The following KLC1 variants were observed in gnomAD, a reference collection of about 807,000 sequenced individuals.
KLC1 encodes the protein kinesin light chain 1.
A neutral mutation model predicts 84.2 loss-of-function variants in KLC1; 30 were observed. The observed-to-expected ratio is 0.36, with a 90% confidence interval of 0.27 to 0.48. The LOEUF is 0.48. Among genes scored for constraint, KLC1 ranks in the 20% least tolerant of loss-of-function variants. KLC1 has a pLI of 0.99. For missense variants in KLC1, 499 were observed against 805.4 expected, an observed-to-expected ratio of 0.62 and a Z score of 4.60; for synonymous variants, 289 against 293.3, an observed-to-expected ratio of 0.99 and a Z score of 0.15.
rs2082855896 is a variant in KLC1, at chr14:103,699,095, CCTGCA to C, written c.1849-1558_1849-1554del. On this transcript the variant is annotated intron_variant, in intron 15 of 16. Coordinates refer to ENST00000334553, the MANE Select transcript of KLC1 (RefSeq NM_001394837.1). ...CTTCGGCCCAGCTGTGCCCCTGGCA[CCTGCA>C]CAGAGGTGCACACACCACATGGCTG... The C allele has an allele frequency of 1.9e-6, 3 of 1,567,102 alleles. 1 individual carries two copies. In the Middle Eastern group the frequency reaches 5.0e-4, roughly 261 times the overall value.
Position 103,693,705 on chromosome 14 carries a change from G to C in KLC1, c.1848+1280G>C. ...CTCACCGCCCTGCCCGGAGGCGCCAGCCGCACTCCTTGGCTTCCTTTCCTA... is the reference window on the plus strand; with the variant it reads ...CTCACCGCCCTGCCCGGAGGCGCCACCCGCACTCCTTGGCTTCCTTTCCTA... On this transcript the variant is annotated intron_variant, in intron 15 of 16. Coordinates refer to ENST00000334553, the MANE Select transcript of KLC1 (RefSeq NM_001394837.1). The surrounding 1 kb of genome is among the most constrained non-coding windows in gnomAD (Gnocchi z 5.1). The C allele has an allele frequency of 6.7e-7, 1 of 1,499,080 alleles. No individual in the cohort carries two copies. Among genetic ancestry groups the C allele is most frequent in the East Asian group, 2.5e-5 (1 of 39,956 alleles). 92.9% of individuals were successfully genotyped at this position (1,499,080 alleles called of 1,614,324 possible). A position where few individuals can be genotyped will look rare whatever the true frequency, so the allele number is the denominator to read the frequency against.
At chr14:103,661,067 G>C (rs1826004105) in intron 3 of KLC1, among the ~76,000 whole-genome samples, 1 of 152,152 alleles carries the variant, frequency 6.6e-6, no homozygotes, top group African/African-American at 2.4e-5. Flanking sequence ...TCTGAAACCT[G>C]TTCACATAGT....
chr14:103,643,998 G>A (rs971368216), intron 1 of KLC1, among the ~76,000 whole-genome samples: 7 of 151,912 alleles, frequency 4.6e-5, no homozygotes, highest in East Asian at 2.0e-4. Flanking sequence ...GGCAGATCAC[G>A]AGGTCAGGAG....
chr14:103,699,099 C>T, intron 15 of KLC1: 1 of 1,567,316 alleles, frequency 6.4e-7, no homozygotes, highest in Non-Finnish European at 8.6e-7. Context: ...CTGGCACCTG[C>T]ACAGAGGTGC....
chr14:103,689,111 A>G (rs1391340697), intron 14 of KLC1, among the ~76,000 whole-genome samples: 1 of 152,204 alleles, frequency 6.6e-6, no homozygotes, highest in African/African-American at 2.4e-5. Context: ...AGCAGCTCTC[A>G]GATCCCCTCC....
At chr14:103,685,345 T>C in intron 13 of KLC1, 1 of 1,256,166 alleles carries the variant, frequency 8.0e-7, no homozygotes, top group Non-Finnish European at 1.0e-6. Flanking sequence ...ACACCAAGTG[T>C]CAAGGAGATT....
At chr14:103,644,266 C>CT (rs1368732276) in intron 1 of KLC1, among the ~76,000 whole-genome samples, 59 of 136,152 alleles carry the variant, frequency 4.3e-4, no homozygotes, top group East Asian at 2.5e-3. Flanking sequence ...TTCTACGTGA[C>CT]TTTTTTTTTT....
intron 5 of KLC1, among the ~76,000 whole-genome samples, chr14:103,668,114 A>G (rs963896312): frequency 1.3e-5 from 2 of 152,238 alleles, no homozygotes; most frequent in Admixed American, 1.3e-4. Flanking sequence ...AAGACTGTGC[A>G]ATAGATCATA....
intron 13 of KLC1, chr14:103,684,901 C>T (rs1288906667): frequency 1.4e-6 from 1 of 721,268 alleles, no homozygotes; most frequent in Non-Finnish European, 2.6e-6. Flanking sequence ...CATCCTTTTT[C>T]TCAAGAGCAG....
Position 103,694,593 on chromosome 14 carries a change from G to A in KLC1, c.1848+2168G>A, listed in dbSNP as rs986425740. ...TAGGTAAAGAGCATACAAAACAGACGCCGAGGTGATCAGTGATTCCAAAGG... is the reference window on the plus strand; with the variant it reads ...TAGGTAAAGAGCATACAAAACAGACACCGAGGTGATCAGTGATTCCAAAGG... On this transcript the variant is annotated intron_variant, in intron 15 of 16. Coordinates refer to ENST00000334553, the MANE Select transcript of KLC1 (RefSeq NM_001394837.1). The surrounding 1 kb of genome is among the most constrained non-coding windows in gnomAD (Gnocchi z 4.5). 30 of 985,346 alleles carry A rather than the reference G, an allele frequency of 3.0e-5. No homozygotes were observed. The African/African-American group carries it at 4.0e-4, about 13-fold the overall frequency. The allele number at this position is 985,346 out of a possible 1,614,324, so 61.0% of individuals were successfully genotyped here.
chr14:103,700,497 C>G (rs2083082111), intron 15 of KLC1, 158 bp from the exon 16 acceptor site: 1 of 567,414 alleles, frequency 1.8e-6, no homozygotes, highest in African/African-American at 2.0e-5. Context: ...ACGGGCCTTG[C>G]CAGCAGCTCT....
rs148762743 is a variant in KLC1, at chr14:103,633,356, C to T, written c.-2+3862C>T. Among the ~76,000 whole-genome samples the T allele has an allele frequency of 8.7e-4, 132 of 151,362 alleles. 2 individuals carry two copies. The East Asian group carries it at 0.022, about 25-fold the overall frequency. On this transcript the variant is annotated intron_variant, in intron 1 of 16. Transcript: ENST00000334553. ...ACAGGCGTGAGCCACCGCGCCTGGCCGGAGGGTTGGAAGATTCTGAGGAGC... is the reference window on the plus strand; with the variant it reads ...ACAGGCGTGAGCCACCGCGCCTGGCTGGAGGGTTGGAAGATTCTGAGGAGC...
rs750866404 is a variant in KLC1 at position 103,673,143 on chromosome 14, C to T, written c.1117C>T (p.Leu373=). The change falls in exon 8 of 17, where the codon CTG becomes TTG. Residue 373 remains leucine (L), a synonymous_variant. Coordinates refer to ENST00000334553, the MANE Select transcript of KLC1 (RefSeq NM_001394837.1). ...AGCCCTCGAGATCTACCAGACAAAA[C>T]TGGGACCTGATGACCCCAACGTGGC... The part of the protein sequence containing the change: ...QRALEIYQTK[L]GPDDPNVAKT... 1.8e-5 allele frequency: 29 copies of T among 1,614,002 alleles called. No homozygotes were observed. The East Asian group carries it at 6.2e-4, about 35-fold the overall frequency.
intron 15 of KLC1, chr14:103,696,967 C>G: frequency 5.1e-6 from 5 of 985,444 alleles, no homozygotes; most frequent in Non-Finnish European, 6.0e-6. Context: ...GGCCCCTTCC[C>G]TCCAGGGGCA....
At position 103,637,201 on chromosome 14, in the gene KLC1, T is replaced by C. The variant is rs777185134; in HGVS notation, c.-2+7707T>C. 2.6e-5 allele frequency among the ~76,000 whole-genome samples: 4 copies of C among 152,242 alleles called. No individual in the cohort carries two copies. The East Asian group carries it at 7.7e-4, about 29-fold the overall frequency. On this transcript the variant is annotated intron_variant, in intron 1 of 16. Transcript: ENST00000334553. ...TAGTGCCTTTTAATAAATCAATACT[T>C]TTAATTTTTCTTAACCATGCTCTGG...
chr14:103,677,403 G>A lies in KLC1; in HGVS notation c.1380-12G>A, dbSNP rs745949927. ...TATGTCATAGTTCTGTATGTCATGT[G>A]CTTTCTTACAGTCCAACTGTTACAA... On this transcript the variant is annotated splice_polypyrimidine_tract_variant and intron_variant, in intron 11 of 16. Transcript: ENST00000334553. 3.9e-6 allele frequency: 6 copies of A among 1,519,736 alleles called. No homozygotes were observed. Among genetic ancestry groups the A allele is most frequent in the Non-Finnish European group, 3.7e-6 (4 of 1,094,022 alleles). The allele number at this position is 1,519,736 out of a possible 1,614,324, so 94.1% of individuals were successfully genotyped here. A position where few individuals can be genotyped will look rare whatever the true frequency, so the allele number is the denominator to read the frequency against.
chr14:103,647,189 G>C (rs1415020538), intron 1 of KLC1, among the ~76,000 whole-genome samples: 1 of 151,674 alleles, frequency 6.6e-6, no homozygotes, highest in African/African-American at 2.4e-5. Flanking sequence ...TTGAGCATGG[G>C]TTTTTTATTT....
At chr14:103,642,417 G>A (rs2077562884) in intron 1 of KLC1, among the ~76,000 whole-genome samples, 1 of 152,244 alleles carries the variant, frequency 6.6e-6, no homozygotes, top group Non-Finnish European at 1.5e-5. Flanking sequence ...TATGGGCAAG[G>A]TATTTTGTAC....
At chr14:103,684,489 G>C (rs1052589024) in intron 13 of KLC1, among the ~76,000 whole-genome samples, 17 of 152,336 alleles carry the variant, frequency 1.1e-4, no homozygotes, top group African/African-American at 4.1e-4. Context: ...TCACAGCCAA[G>C]GTCCTCAGGT....
Sources: allele counts gnomAD v4.1 joint callset (sites outside exome capture counted in the v4.1 genomes callset), GRCh38; gene constraint gnomAD v4.1.1; non-coding constraint Gnocchi (gnomAD v3.1); transcripts MANE v1.5; gene names NCBI Gene and HGNC (gene_info 2026-07-23, HGNC 2026-07-21).